The following EBF3 variants were observed in gnomAD, a reference collection of about 807,000 sequenced individuals.
EBF3 encodes EBF transcription factor 3.
Under a neutral mutation model 77.1 loss-of-function variants are expected in EBF3, and 18 were observed. The ratio of observed to expected loss-of-function variants is 0.23; its 90% CI spans 0.16 to 0.35. The LOEUF is 0.35. EBF3 is among the 10% of genes least tolerant of loss of function. The probability of loss-of-function intolerance (pLI) is 1.00; values close to 1 mark genes in which losing one functional copy is unlikely to be tolerated. For missense variants in EBF3, 558 were observed against 860.0 expected, an observed-to-expected ratio of 0.65 and a Z score of 4.39; for synonymous variants, 350 against 343.5, an observed-to-expected ratio of 1.02 and a Z score of -0.21.
At position 129,853,691 on chromosome 10, in the gene EBF3, G is replaced by A. The variant is rs566001187; in HGVS notation, c.1040-5211C>T. Among the ~76,000 whole-genome samples, 11 of 152,308 alleles carry A rather than the reference G, an allele frequency of 7.2e-5. 1 individual carries two copies. In the South Asian group the frequency reaches 2.1e-3, roughly 29 times the overall value. On this transcript the variant is annotated intron_variant, in intron 10 of 16. Transcript: ENST00000440978. ...CCGTCAGTGTGCCTGAATGAACACA[G>A]GTTGTAATGTGTAAAAATTAAATAA...
intron 6 of EBF3, among the ~76,000 whole-genome samples, chr10:129,884,106 C>A (rs1443902060): frequency 2.0e-5 from 3 of 152,144 alleles, no homozygotes; most frequent in Non-Finnish European, 4.4e-5. Context: ...TAAGAGTGGC[C>A]AGTGGAGTGC....
chr10:129,926,516 C>G (rs569314561), intron 6 of EBF3, among the ~76,000 whole-genome samples: 7 of 152,124 alleles, frequency 4.6e-5, no homozygotes, highest in Non-Finnish European at 8.8e-5. Flanking sequence ...CAGCCCAAAG[C>G]AGTGAAACCT....
At chr10:129,923,579 C>G (rs1856455326) in intron 6 of EBF3, among the ~76,000 whole-genome samples, 1 of 152,170 alleles carries the variant, frequency 6.6e-6, no homozygotes, top group Admixed American at 6.5e-5. Context: ...GAAAGCTGGA[C>G]TCCGACATGC....
chr10:129,869,453 G>A (rs1252498899), intron 8 of EBF3, among the ~76,000 whole-genome samples: 1 of 150,704 alleles, frequency 6.6e-6, no homozygotes, highest in Admixed American at 6.6e-5. Context: ...GCAGACAAGA[G>A]CCCTCCAAAG....
At position 129,870,859 on chromosome 10, in the gene EBF3, C is replaced by T. The variant is rs1852358978; in HGVS notation, c.781+2593G>A. Among the ~76,000 whole-genome samples, 1 of 152,170 alleles carries T rather than the reference C, an allele frequency of 6.6e-6. No individual in the cohort carries two copies. The highest frequency in any genetic ancestry group is 2.4e-5 in the African/African-American group (1 of 41,430). On this transcript the variant is annotated intron_variant, in intron 8 of 16. Transcript: ENST00000440978. The surrounding 1 kb of genome is among the most constrained non-coding windows in gnomAD (Gnocchi z 4.4). ...TAGTAAACAGCTTCCCCAGCCTGGT[C>T]CCATTAATCAGCCCTCCTGAGTAAT...
chr10:129,945,780 G>C (rs1858165680), intron 6 of EBF3, among the ~76,000 whole-genome samples: 1 of 152,098 alleles, frequency 6.6e-6, no homozygotes, highest in African/African-American at 2.4e-5. Context: ...AGCAGCCCCT[G>C]TCACCGCTCC....
intron 6 of EBF3, among the ~76,000 whole-genome samples, chr10:129,941,965 C>T (rs539969585): frequency 5.9e-5 from 9 of 152,316 alleles, no homozygotes; most frequent in East Asian, 3.9e-4. Context: ...GACAGACACA[C>T]GAGGACTTGG....
chr10:129,927,587 C>T lies in EBF3; in HGVS notation c.554+29671G>A, dbSNP rs549000927. 2.6e-5 allele frequency among the ~76,000 whole-genome samples: 4 copies of T among 152,314 alleles called. No individual in the cohort carries two copies. The East Asian group carries it at 7.7e-4, about 29-fold the overall frequency. Reference sequence around the variant, plus strand: ...CAACGACGGGGAGCTCACCCCTTCTCGGGCAGCCATGCCTCCTATGCTGAC... The same window carrying T: ...CAACGACGGGGAGCTCACCCCTTCTTGGGCAGCCATGCCTCCTATGCTGAC... On this transcript the variant is annotated intron_variant, in intron 6 of 16. Transcript: ENST00000440978.
At chr10:129,910,232 A>G (rs920723262) in intron 6 of EBF3, among the ~76,000 whole-genome samples, 6 of 152,204 alleles carry the variant, frequency 3.9e-5, no homozygotes, top group Admixed American at 6.5e-5. Context: ...ATTACTTGAC[A>G]TGTGTCCTGT....
rs548437869 is a variant in EBF3 at position 129,886,566 on chromosome 10, C to T, written c.555-8717G>A. 3.7e-4 allele frequency among the ~76,000 whole-genome samples: 56 copies of T among 152,274 alleles called. 1 individual carries two copies. The South Asian group carries it at 8.1e-3, about 22-fold the overall frequency. ...CCAAGGTGTTAAAATCTCAGTAAAC[C>T]CTGCTCGGCTCCCCACGCCACCAGG... is the stretch of plus-strand genomic sequence containing the variant. On this transcript the variant is annotated intron_variant, in intron 6 of 16. Transcript: ENST00000440978.
intron 10 of EBF3, among the ~76,000 whole-genome samples, chr10:129,857,701 C>T (rs981106943): frequency 4.6e-5 from 7 of 152,200 alleles, no homozygotes; most frequent in South Asian, 4.1e-4. Context: ...TACCAGGCCC[C>T]GGGCTGCCAG....
chr10:129,898,128 G>C (rs919433474), intron 6 of EBF3, among the ~76,000 whole-genome samples: 1 of 152,230 alleles, frequency 6.6e-6, no homozygotes, highest in Non-Finnish European at 1.5e-5. Flanking sequence ...GTAGGTGTCA[G>C]TAATTAAACG....
intron 6 of EBF3, among the ~76,000 whole-genome samples, chr10:129,930,155 C>T (rs1856909141): frequency 1.3e-5 from 2 of 152,194 alleles, no homozygotes; most frequent in Admixed American, 1.3e-4. Flanking sequence ...AGGCCTTCGC[C>T]CTCAGATTGA....
chr10:129,852,343 T>C (rs1850943051), intron 10 of EBF3, among the ~76,000 whole-genome samples: 1 of 152,224 alleles, frequency 6.6e-6, no homozygotes, highest in African/African-American at 2.4e-5. Context: ...CTTGATACAA[T>C]GTTAACGGTC....
intron 5 of EBF3, among the ~76,000 whole-genome samples, chr10:129,957,763 T>A (rs990188098): frequency 6.6e-6 from 1 of 152,260 alleles, no homozygotes; most frequent in Non-Finnish European, 1.5e-5. Context: ...GGGGCATTTA[T>A]TAATTATAAC....
Position 129,948,896 on chromosome 10 carries a change from C to T in EBF3, c.554+8362G>A, listed in dbSNP as rs182382777. ...ACTATGGGATGTCATTCTGCAGAGC[C>T]GGACGTGTGGTTCTTGACAATGAAA... On this transcript the variant is annotated intron_variant, in intron 6 of 16. Coordinates refer to ENST00000440978, the MANE Select transcript of EBF3 (RefSeq NM_001375380.1). Among the ~76,000 whole-genome samples the T allele has an allele frequency of 2.0e-3, 302 of 152,250 alleles. 1 individual carries two copies. Among genetic ancestry groups the T allele is most frequent in the African/African-American group, 6.8e-3 (284 of 41,538 alleles).
At chr10:129,852,323 T>C (rs1002586136) in intron 10 of EBF3, among the ~76,000 whole-genome samples, 5 of 152,254 alleles carry the variant, frequency 3.3e-5, no homozygotes, top group African/African-American at 1.2e-4. Flanking sequence ...GGGGGATTCA[T>C]CACACCGCAC....
intron 4 of EBF3, among the ~76,000 whole-genome samples, chr10:129,960,835 C>T (rs1262459528): frequency 6.6e-6 from 1 of 152,060 alleles, no homozygotes; most frequent in Non-Finnish European, 1.5e-5. Context: ...TAGCGATTTC[C>T]GAAAACATTT....
chr10:129,869,846 A>G (rs1180307558), intron 8 of EBF3, among the ~76,000 whole-genome samples: 1 of 152,214 alleles, frequency 6.6e-6, no homozygotes, highest in African/African-American at 2.4e-5. Flanking sequence ...AGTTCATACA[A>G]ATTTTCATTT....
Sources: allele counts gnomAD v4.1 joint callset (sites outside exome capture counted in the v4.1 genomes callset), GRCh38; gene constraint gnomAD v4.1.1; non-coding constraint Gnocchi (gnomAD v3.1); transcripts MANE v1.5; gene names NCBI Gene and HGNC (gene_info 2026-07-23, HGNC 2026-07-21).